Variants in SYNPR observed in about 807,000 individuals in gnomAD.
SYNPR encodes the protein synaptoporin.
SYNPR carries 23 observed loss-of-function variants against 32.9 expected under a neutral mutation model. That is an observed-to-expected ratio of 0.70 (90% CI 0.50 to 0.99). SYNPR has a LOEUF of 0.99. Among genes scored for constraint, SYNPR ranks in the 50% least tolerant of loss-of-function variants. The pLI, the probability that SYNPR is intolerant of heterozygous loss-of-function variation, is 0.00. For synonymous variants in SYNPR, 146 were observed against 135.9 expected, an observed-to-expected ratio of 1.07 and a Z score of -0.52; for missense variants, 318 against 349.3, an observed-to-expected ratio of 0.91 and a Z score of 0.71.
chr3:63,545,785 T>A (rs540319766), intron 3 of SYNPR, among the ~76,000 whole-genome samples: 6 of 152,260 alleles, frequency 3.9e-5, no homozygotes, highest in Non-Finnish European at 2.9e-5. Context: ...ATTGGTTGAA[T>A]TTTTATAAAT....
At chr3:63,247,985 C>A (rs957533848) in intron 1 of SYNPR, among the ~76,000 whole-genome samples, 1 of 152,094 alleles carries the variant, frequency 6.6e-6, no homozygotes, top group Non-Finnish European at 1.5e-5. Flanking sequence ...CAAGCTGCCT[C>A]ACCCACCTTA....
intron 2 of SYNPR, among the ~76,000 whole-genome samples, chr3:63,290,847 C>T (rs1293972123): frequency 9.2e-5 from 14 of 152,176 alleles, no homozygotes; most frequent in Admixed American, 9.2e-4. Context: ...AGTTCTCACT[C>T]ATCCATCTGG....
chr3:63,405,324 C>T (rs2088344535), intron 2 of SYNPR, among the ~76,000 whole-genome samples: 1 of 152,150 alleles, frequency 6.6e-6, no homozygotes. Context: ...ACACACAACA[C>T]AGGTTAAGGA....
At chr3:63,462,177 C>T (rs1233134746) in intron 2 of SYNPR, among the ~76,000 whole-genome samples, 1 of 152,024 alleles carries the variant, frequency 6.6e-6, no homozygotes, top group Non-Finnish European at 1.5e-5. Context: ...AAGACTAGCT[C>T]CTTTTCTGTC....
intron 3 of SYNPR, among the ~76,000 whole-genome samples, chr3:63,514,564 C>G (rs1460974603): frequency 6.6e-6 from 1 of 152,134 alleles, no homozygotes; most frequent in Non-Finnish European, 1.5e-5. Context: ...AAGGCCTTCT[C>G]TCTTTCTACC....
Position 63,278,700 on chromosome 3 carries a change from G to C in SYNPR, c.42G>C (p.Arg14=). 1.9e-6 allele frequency: 3 copies of C among 1,551,684 alleles called. No individual in the cohort carries two copies. Among genetic ancestry groups the C allele is most frequent in the Non-Finnish European group, 2.6e-6 (3 of 1,146,984 alleles). ...VSQLASAGTF[R]VLKEPLAFLR... Reference sequence around the variant, plus strand: ...AGCTGGCCTCTGCGGGCACCTTCCGGGTGCTGAAGGAGCCCCTTGCCTTCC... The same window carrying C: ...AGCTGGCCTCTGCGGGCACCTTCCGCGTGCTGAAGGAGCCCCTTGCCTTCC... The change falls in exon 2 of 6, where the codon CGG becomes CGC. Residue 14 remains arginine (R), a synonymous_variant. Coordinates refer to ENST00000478300, the MANE Select transcript of SYNPR (RefSeq NM_001130003.2).
intron 2 of SYNPR, among the ~76,000 whole-genome samples, chr3:63,258,864 G>C (rs1309351491): frequency 6.6e-6 from 1 of 152,098 alleles, no homozygotes; most frequent in Non-Finnish European, 1.5e-5. Flanking sequence ...GAATCAAATA[G>C]ATGCAATAAA....
chr3:63,388,556 TTGTGTGTGTGTG>T (rs749669898), intron 2 of SYNPR, among the ~76,000 whole-genome samples: 18 of 128,082 alleles, frequency 1.4e-4, no homozygotes, highest in East Asian at 1.2e-3. Flanking sequence ...CCCGGCTAAT[TTGTGTGTGTGTG>T]TGTGTGTGTG....
At chr3:63,419,263 C>G (rs1372497749) in intron 2 of SYNPR, among the ~76,000 whole-genome samples, 1 of 152,206 alleles carries the variant, frequency 6.6e-6, no homozygotes, top group African/African-American at 2.4e-5. Context: ...TGAAGCCAGA[C>G]TAGTTGCCTC....
chr3:63,615,492 T>C lies in SYNPR; in HGVS notation c.*11T>C, dbSNP rs562303523. On this transcript the variant is annotated 3_prime_UTR_variant, in exon 6 of 6. Transcript: ENST00000478300. ...ACCAATCAGATTTAACAGAGTAGCA[T>C]TTGCATTCTTCTGCAGTCGCCTCAC... 4.4e-6 allele frequency: 7 copies of C among 1,608,056 alleles called. No individual in the cohort carries two copies. The highest frequency in any genetic ancestry group is 2.7e-5 in the African/African-American group (2 of 74,884).
At chr3:63,494,396 T>TAC in intron 3 of SYNPR, among the ~76,000 whole-genome samples, 1 of 30,266 alleles carries the variant, frequency 3.3e-5, no homozygotes, top group Admixed American at 3.0e-4. Context: ...TTAATTCTTA[T>TAC]ATATATATAT....
chr3:63,378,530 T>C (rs1326793784), intron 2 of SYNPR, among the ~76,000 whole-genome samples: 1 of 152,076 alleles, frequency 6.6e-6, no homozygotes, highest in Non-Finnish European at 1.5e-5. Flanking sequence ...TCTGCCAATA[T>C]TGGAGTTTTG....
At chr3:63,365,872 G>A (rs1305645631) in intron 2 of SYNPR, among the ~76,000 whole-genome samples, 1 of 152,164 alleles carries the variant, frequency 6.6e-6, no homozygotes, top group East Asian at 1.9e-4. Context: ...CCACTTCAGA[G>A]TGATGAGTCC....
At chr3:63,536,018 C>A (rs1702199280) in intron 3 of SYNPR, among the ~76,000 whole-genome samples, 1 of 152,020 alleles carries the variant, frequency 6.6e-6, no homozygotes, top group South Asian at 2.1e-4. Context: ...GTAACCCCAG[C>A]ACTTTGGGAG....
intron 3 of SYNPR, among the ~76,000 whole-genome samples, chr3:63,526,209 G>A (rs148257837): frequency 6.6e-6 from 1 of 152,288 alleles, no homozygotes; most frequent in Non-Finnish European, 1.5e-5. Flanking sequence ...AACCACATCC[G>A]AACCATTGTA....
chr3:63,347,899 G>A (rs964904210), intron 2 of SYNPR, among the ~76,000 whole-genome samples: 27 of 151,566 alleles, frequency 1.8e-4, no homozygotes, highest in African/African-American at 6.5e-4. Context: ...GTGTGTGTGT[G>A]TGTGTGTGTG....
intron 2 of SYNPR, among the ~76,000 whole-genome samples, chr3:63,474,336 A>G (rs577328713): frequency 2.2e-4 from 33 of 152,336 alleles, no homozygotes; most frequent in Admixed American, 7.2e-4. Context: ...TGAGGAAGGA[A>G]GTCTTTGGTG....
chr3:63,264,340 G>A (rs572512724), intron 2 of SYNPR, among the ~76,000 whole-genome samples: 5 of 152,166 alleles, frequency 3.3e-5, no homozygotes, highest in Non-Finnish European at 5.9e-5. Context: ...TGAATATGAT[G>A]CCTGAATTTA....
intron 2 of SYNPR, among the ~76,000 whole-genome samples, chr3:63,476,255 AGAAG>A (rs1214943579): frequency 1.2e-5 from 1 of 85,288 alleles, no homozygotes; most frequent in Non-Finnish European, 2.3e-5. Flanking sequence ...GAGGGAGAGA[AGAAG>A]GAAGGAAGGA....
Sources: gnomAD v4.1 joint callset for allele counts (sites outside exome capture counted in the v4.1 genomes callset) on GRCh38, gnomAD v4.1.1 for gene constraint, MANE v1.5 for transcripts, NCBI Gene and HGNC (gene_info 2026-07-23, HGNC 2026-07-21) for gene names.